The following ZNF813 variants were observed in gnomAD, a reference collection of about 807,000 sequenced individuals.
The protein encoded by ZNF813 is zinc finger protein 813.
A neutral mutation model predicts 7.2 loss-of-function variants in ZNF813; 3 were observed. The observed-to-expected ratio is 0.42, with a 90% CI of 0.19 to 1.08. ZNF813 has a LOEUF of 1.08. Among genes scored for constraint, ZNF813 ranks in the 50% least tolerant of loss-of-function variants. ZNF813 has a pLI of 0.30. For synonymous variants in ZNF813, 227 were observed against 256.3 expected, an observed-to-expected ratio of 0.89 and a Z score of 1.09; for missense variants, 714 against 753.3, an observed-to-expected ratio of 0.95 and a Z score of 0.61.
At chr19:53,477,778 GC>G (rs2086388874) in intron 1 of ZNF813, among the ~76,000 whole-genome samples, 1 of 152,148 alleles carries the variant, frequency 6.6e-6, no homozygotes, top group Admixed American at 6.5e-5. Flanking sequence ...CCGAGATCAT[GC>G]CACTGCCCTC....
intron 1 of ZNF813, chr19:53,479,333 G>C: frequency 2.5e-6 from 4 of 1,589,758 alleles, no homozygotes; most frequent in Non-Finnish European, 3.4e-6. Flanking sequence ...AGTGTGAGCA[G>C]TAGCTGGGTG....
intron 3 of ZNF813, 98 bp downstream of exon 3, chr19:53,486,856 T>C: frequency 6.3e-7 from 1 of 1,579,890 alleles, no homozygotes; most frequent in Non-Finnish European, 8.6e-7. Context: ...TCACCCAGGG[T>C]GGAGTGAAAT....
chr19:53,485,721 T>C (rs1017706393), intron 2 of ZNF813, among the ~76,000 whole-genome samples: 9 of 152,124 alleles, frequency 5.9e-5, no homozygotes, highest in African/African-American at 2.2e-4. Context: ...TATTTTCTTT[T>C]ATTTTAAGAC....
rs375331409 is a variant in ZNF813 at position 53,486,886 on chromosome 19, G to A, written c.142+128G>A. ...TGAAATGGTGTGATCATGGCTCACT[G>A]CGATCTTGAATTCCTGGGCTCAAGT... On this transcript the variant is annotated intron_variant, in intron 3 of 3. Coordinates refer to ENST00000396403, the MANE Select transcript of ZNF813 (RefSeq NM_001004301.4). 4.6e-6 allele frequency: 7 copies of A among 1,517,056 alleles called. No homozygotes were observed. The East Asian group carries it at 6.9e-5, about 15-fold the overall frequency. 94.0% of individuals were successfully genotyped at this position (1,517,056 alleles called of 1,614,324 possible).
At position 53,491,530 on chromosome 19, in the gene ZNF813, A is replaced by AT. The variant is rs1391733503; in HGVS notation, c.1299dup (p.Ser434Ter). ...AACCTTGCACGTCATCATAGACTTC[A>AT]TAGTGGAGAGAAACCCTACAAGTGT... is the stretch of plus-strand genomic sequence containing the variant. On this transcript the variant is annotated frameshift_variant, in exon 4 of 4. Transcript: ENST00000396403. LOFTEE classifies it low-confidence loss of function (END_TRUNC). 1 of 1,613,730 alleles carries AT rather than the reference A, an allele frequency of 6.2e-7. No homozygotes were observed. Among genetic ancestry groups the AT allele is most frequent in the Non-Finnish European group, 8.5e-7 (1 of 1,179,842 alleles).
Position 53,492,769 on chromosome 19 carries a change from A to C in ZNF813, c.*683A>C, listed in dbSNP as rs1313303662. On this transcript the variant is annotated 3_prime_UTR_variant, in exon 4 of 4. Coordinates refer to ENST00000396403, the MANE Select transcript of ZNF813 (RefSeq NM_001004301.4). ...TCCATACCTTGCAGTTCATTGGCGA[A>C]CTCATACTGGAGACAAACCTTATAA... 2 of 596,288 alleles carry C rather than the reference A, an allele frequency of 3.4e-6. No individual in the cohort carries two copies. Among genetic ancestry groups the C allele is most frequent in the Middle Eastern group, 3.2e-4 (1 of 3,170 alleles). 36.9% of individuals were successfully genotyped at this position (596,288 alleles called of 1,614,324 possible).
chr19:53,478,754 G>C (rs558779569), intron 1 of ZNF813, among the ~76,000 whole-genome samples: 2 of 152,030 alleles, frequency 1.3e-5, no homozygotes, highest in African/African-American at 4.8e-5. Flanking sequence ...CTGCAGTCTG[G>C]GTGGCAGAGC....
At chr19:53,477,346 G>A (rs573091364) in intron 1 of ZNF813, among the ~76,000 whole-genome samples, 1 of 152,246 alleles carries the variant, frequency 6.6e-6, no homozygotes, top group Admixed American at 6.5e-5. Context: ...TGGATTTTTG[G>A]GGAACTGGGT....
chr19:53,469,842 A>T (rs2086347830), intron 1 of ZNF813, among the ~76,000 whole-genome samples: 1 of 150,452 alleles, frequency 6.6e-6, no homozygotes, highest in Non-Finnish European at 1.5e-5. Flanking sequence ...CGGGGAGAGC[A>T]GAGGAGGCGC....
chr19:53,490,886 TGA>T lies in ZNF813; in HGVS notation c.658_659del (p.Ser220TrpfsTer5). 5 of 1,614,194 alleles carry T rather than the reference TGA, an allele frequency of 3.1e-6. No homozygotes were observed. Among genetic ancestry groups the T allele is most frequent in the Non-Finnish European group, 4.2e-6 (5 of 1,180,030 alleles). ...HMREKSFQCN[E>X]SGKAFNYSSL... Reference sequence around the variant, plus strand: ...TGAGAGAAAAGTCTTTCCAATGTAATGAGAGTGGCAAAGCCTTTAATTATAGC... The same window carrying T: ...TGAGAGAAAAGTCTTTCCAATGTAATGAGTGGCAAAGCCTTTAATTATAGC... On this transcript the variant is annotated frameshift_variant, in exon 4 of 4. Transcript: ENST00000396403. LOFTEE classifies it low-confidence loss of function (END_TRUNC).
At chr19:53,472,756 G>T (rs2086365633) in intron 1 of ZNF813, among the ~76,000 whole-genome samples, 1 of 151,934 alleles carries the variant, frequency 6.6e-6, no homozygotes, top group South Asian at 2.1e-4. Context: ...GTGATTACAG[G>T]CATGTACCAC....
intron 1 of ZNF813, among the ~76,000 whole-genome samples, chr19:53,468,308 TG>T (rs1387238479): frequency 6.8e-6 from 1 of 146,426 alleles, no homozygotes; most frequent in Non-Finnish European, 1.5e-5. Context: ...GAGCCCACGT[TG>T]GGGAGGTGCC....
intron 2 of ZNF813, among the ~76,000 whole-genome samples, chr19:53,486,066 A>G (rs1182210297): frequency 1.3e-5 from 2 of 151,964 alleles, no homozygotes; most frequent in African/African-American, 4.8e-5. Context: ...GCCCAGCTGG[A>G]TTTTAGTTTC....
chr19:53,476,883 C>T (rs1600109596), intron 1 of ZNF813, among the ~76,000 whole-genome samples: 1 of 151,960 alleles, frequency 6.6e-6, no homozygotes, highest in Non-Finnish European at 1.5e-5. Flanking sequence ...AGGATGGTCT[C>T]GATCTCCTGA....
At chr19:53,478,772 C>T (rs1164953969) in intron 1 of ZNF813, among the ~76,000 whole-genome samples, 2 of 151,896 alleles carry the variant, frequency 1.3e-5, no homozygotes, top group African/African-American at 4.8e-5. Flanking sequence ...AGCGAGTCTC[C>T]ATCTCACAAA....
chr19:53,473,977 CT>C (rs1235634571), intron 1 of ZNF813, among the ~76,000 whole-genome samples: 1 of 152,148 alleles, frequency 6.6e-6, no homozygotes, highest in Non-Finnish European at 1.5e-5. Context: ...ATGTATTTTA[CT>C]TTTCTTGAAC....
intron 3 of ZNF813, among the ~76,000 whole-genome samples, chr19:53,486,983 T>TA (rs2086437549): frequency 2.8e-4 from 6 of 21,292 alleles, no homozygotes; most frequent in Non-Finnish European, 9.5e-4. Context: ...CTTTTTTAGT[T>TA]TTTTTTTTTT....
chr19:53,484,526 G>A (rs562755316), intron 2 of ZNF813, among the ~76,000 whole-genome samples: 1 of 152,170 alleles, frequency 6.6e-6, no homozygotes, highest in East Asian at 1.9e-4. Flanking sequence ...TCAGGAAAAT[G>A]GTTATAATTT....
At chr19:53,479,314 A>G (rs2086396424) in intron 1 of ZNF813, 3 of 1,583,896 alleles carry the variant, frequency 1.9e-6, no homozygotes, top group Non-Finnish European at 1.7e-6. Context: ...TGGAGGAGGC[A>G]GGAACCGGAG....
Sources: allele counts gnomAD v4.1 joint callset (sites outside exome capture counted in the v4.1 genomes callset), GRCh38; gene constraint gnomAD v4.1.1; transcripts MANE v1.5; gene names NCBI Gene and HGNC (gene_info 2026-07-23, HGNC 2026-07-21).